The following NRXN3 variants were observed in gnomAD, a reference collection of about 807,000 sequenced individuals.
The protein encoded by NRXN3 is neurexin III.
A neutral mutation model predicts 137.6 loss-of-function variants in NRXN3; 32 were observed. The ratio of observed to expected loss-of-function variants is 0.23; its 90% CI spans 0.18 to 0.31. The LOEUF (loss-of-function observed/expected upper bound fraction) is 0.31. NRXN3 is among the 10% of genes least tolerant of loss of function. NRXN3 has a pLI of 1.00. For synonymous variants in NRXN3, 798 were observed against 784.5 expected (o/e 1.02, Z -0.29); for missense variants, 1,574 against 2,062.5 (o/e 0.76, Z 4.59).
chr14:79,523,836 C>T (rs77316782), intron 16 of NRXN3, among the ~76,000 whole-genome samples: 1,616 of 152,298 alleles, frequency 0.011, 21 homozygotes, highest in African/African-American at 0.033. Flanking sequence ...ATTTCCTGGG[C>T]TTAGGAATCT....
At chr14:79,663,697 T>C (rs568873631) in intron 16 of NRXN3, 81 bp from the exon 17 acceptor site, 2 of 1,240,824 alleles carry the variant, frequency 1.6e-6, no homozygotes, top group African/African-American at 1.5e-5. Flanking sequence ...TACAGGTTTA[T>C]TGCTGGTTGG....
intron 16 of NRXN3, among the ~76,000 whole-genome samples, chr14:79,596,238 C>A (rs2097857592): frequency 6.6e-6 from 1 of 152,026 alleles, no homozygotes; most frequent in African/African-American, 2.4e-5. Flanking sequence ...AAGGGTTCAG[C>A]CTGGCTTAGT....
At chr14:78,504,642 G>T (rs1343023267) in intron 4 of NRXN3, among the ~76,000 whole-genome samples, 1 of 152,072 alleles carries the variant, frequency 6.6e-6, no homozygotes, top group African/African-American at 2.4e-5. Context: ...TTTCCTGGGA[G>T]TTCTGATGAG....
At chr14:79,358,183 C>A (rs188201004) in intron 15 of NRXN3, among the ~76,000 whole-genome samples, 1 of 152,140 alleles carries the variant, frequency 6.6e-6, no homozygotes, top group African/African-American at 2.4e-5. Context: ...GTATTTCCTT[C>A]AGATTACACC....
rs35028709 is a variant in NRXN3 at position 79,806,962 on chromosome 14, A to ATTTTTT, written c.4093+1800_4093+1805dup. Among the ~76,000 whole-genome samples, 7 of 26,358 alleles carry ATTTTTT rather than the reference A, an allele frequency of 2.7e-4. 2 individuals carry two copies. In the East Asian group the frequency reaches 5.8e-3, roughly 22 times the overall value. The allele number at this position is 26,358 out of a possible 152,430, so 17.3% of individuals were successfully genotyped here. Reference sequence around the variant, plus strand: ...TTTATATATATATATATATATATATATTTTTTTTTTTTTTTTTTTTTTTTT... The same window carrying ATTTTTT: ...TTTATATATATATATATATATATATATTTTTTTTTTTTTTTTTTTTTTTTTTTTTTT... On this transcript the variant is annotated intron_variant, in intron 20 of 20. Coordinates refer to ENST00000335750, the MANE Select transcript of NRXN3 (RefSeq NM_001330195.2).
At chr14:78,173,030 T>C (rs1421764783) in intron 1 of NRXN3, among the ~76,000 whole-genome samples, 1 of 152,126 alleles carries the variant, frequency 6.6e-6, no homozygotes, top group Admixed American at 6.6e-5. Context: ...CTTGGGGTTT[T>C]GAGATCGGCT....
chr14:79,315,726 G>A (rs1164304371), intron 15 of NRXN3, among the ~76,000 whole-genome samples: 2 of 152,118 alleles, frequency 1.3e-5, no homozygotes. Flanking sequence ...ATAAAAAAGG[G>A]ATATAAGAAA....
Position 79,867,752 on chromosome 14 carries a change from G to C in NRXN3, c.*5788G>C, listed in dbSNP as rs1282887395. On this transcript the variant is annotated 3_prime_UTR_variant, in exon 21 of 21. Transcript: ENST00000335750. ...AAGCAATTCTAACCTTTTTGAAGTG[G>C]TTACATGGCCCAAGTAGAAGAGCAA... 1 of 152,096 alleles carries C rather than the reference G, an allele frequency of 6.6e-6. No individual in the cohort carries two copies. The highest frequency in any genetic ancestry group is 1.5e-5 in the Non-Finnish European group (1 of 68,048). The allele number at this position is 152,096 out of a possible 1,614,324, so 9.4% of individuals were successfully genotyped here. A position where few individuals can be genotyped will look rare whatever the true frequency, so the allele number is the denominator to read the frequency against.
At chr14:79,773,784 TAAATA>T (rs924967451) in intron 19 of NRXN3, among the ~76,000 whole-genome samples, 3 of 106,770 alleles carry the variant, frequency 2.8e-5, no homozygotes, top group Admixed American at 1.9e-4. Flanking sequence ...ATAATAATGA[TAAATA>T]AAATAAAAAT....
At chr14:79,814,201 G>A (rs558286136) in intron 20 of NRXN3, among the ~76,000 whole-genome samples, 14 of 152,292 alleles carry the variant, frequency 9.2e-5, no homozygotes, top group African/African-American at 2.6e-4. Context: ...AGCTGCTCTC[G>A]CAGCATCTCT....
intron 15 of NRXN3, among the ~76,000 whole-genome samples, chr14:79,453,480 T>C (rs909537113): frequency 6.6e-6 from 1 of 152,218 alleles, no homozygotes; most frequent in East Asian, 1.9e-4. Context: ...AGTAGCTGTA[T>C]ATTCAGTGGG....
intron 4 of NRXN3, among the ~76,000 whole-genome samples, chr14:78,418,861 A>G (rs1598433827): frequency 2.0e-5 from 3 of 152,244 alleles, no homozygotes; most frequent in African/African-American, 7.2e-5. Flanking sequence ...TCTATGTTAC[A>G]GATGAGGCAC....
At chr14:78,388,859 G>C (rs1419804844) in intron 4 of NRXN3, among the ~76,000 whole-genome samples, 1 of 151,556 alleles carries the variant, frequency 6.6e-6, no homozygotes, top group Non-Finnish European at 1.5e-5. Flanking sequence ...TTGAATAATA[G>C]TCTTTATTAT....
rs556033917 is a variant in NRXN3, at chr14:78,385,384, G to T, written c.757+87524G>T. Among the ~76,000 whole-genome samples, 114 of 151,568 alleles carry T rather than the reference G, an allele frequency of 7.5e-4. 2 individuals are homozygous for T. Among genetic ancestry groups the T allele is most frequent in the African/African-American group, 2.6e-3 (109 of 41,268 alleles). On this transcript the variant is annotated intron_variant, in intron 4 of 20. Transcript: ENST00000335750. ...AAAATTATGAAAAGTGAACACATTT[G>T]CAAGCCAAAGTAATTAAGTTAATTT...
At chr14:79,302,520 T>C (rs1273507164) in intron 15 of NRXN3, among the ~76,000 whole-genome samples, 1 of 151,538 alleles carries the variant, frequency 6.6e-6, no homozygotes. Flanking sequence ...AACTACAGAG[T>C]GAGAGCTCAA....
At position 78,243,263 on chromosome 14, in the gene NRXN3, C is replaced by G. The variant is rs749010821; in HGVS notation, c.170C>G (p.Thr57Ser). 3.9e-5 allele frequency: 61 copies of G among 1,559,700 alleles called. No homozygotes were observed. In the African/African-American group the frequency reaches 7.4e-4, roughly 19 times the overall value. The part of the protein sequence containing the change: ...TRSDLSFQFK[T>S]NVSTGLLLYL... ...AGTGACCTGAGTTTCCAGTTCAAGA[C>G]CAACGTCTCTACGGGGCTGCTCCTC... Residue 57 changes from threonine (T) to serine (S), a missense_variant, in exon 2 of 21, where the codon ACC (threonine) becomes AGC (serine). Physicochemically the swap from Thr to Ser is moderately conservative, Grantham distance 58. This residue lies in a region of NRXN3 where 400 missense variants were observed against 527.3 expected (regional missense o/e 0.76). Coordinates refer to ENST00000335750, the MANE Select transcript of NRXN3 (RefSeq NM_001330195.2). The surrounding 1 kb of genome is among the most constrained non-coding windows in gnomAD (Gnocchi z 4.2).
intron 15 of NRXN3, among the ~76,000 whole-genome samples, chr14:79,073,235 G>A (rs540874631): frequency 2.6e-5 from 4 of 152,098 alleles, no homozygotes; most frequent in Non-Finnish European, 4.4e-5. Flanking sequence ...TGCAACCAAC[G>A]GATATCCCCC....
At chr14:79,290,626 G>A (rs1249192861) in intron 15 of NRXN3, among the ~76,000 whole-genome samples, 1 of 141,384 alleles carries the variant, frequency 7.1e-6, no homozygotes, top group Non-Finnish European at 1.5e-5. Context: ...AGGAACTAAA[G>A]AGATTCCCCA....
rs17108121 is a variant in NRXN3 at position 78,719,470 on chromosome 14, C to T, written c.2044+4331C>T. 0.011 allele frequency among the ~76,000 whole-genome samples: 1,631 copies of T among 152,216 alleles called. 86 individuals carry two copies. In the East Asian group the frequency reaches 0.18, roughly 16 times the overall value. ...ATTCTGCCTGGAAAGGGTGAGATAC[C>T]AATCTTCGATGAGGCTGGATTGTGT... On this transcript the variant is annotated intron_variant, in intron 8 of 20. Transcript: ENST00000335750.
Sources: gnomAD v4.1 joint callset for allele counts (sites outside exome capture counted in the v4.1 genomes callset) on GRCh38, gnomAD v4.1.1 for gene constraint, gnomAD v4.1.1 regional missense constraint, Gnocchi (gnomAD v3.1) non-coding constraint, MANE v1.5 for transcripts, NCBI Gene and HGNC (gene_info 2026-07-23, HGNC 2026-07-21) for gene names.